The following WHRN variants were observed in gnomAD, a reference collection of about 807,000 sequenced individuals.
The protein encoded by WHRN is whirlin, also known as CASK-interacting protein CIP98.
A neutral mutation model predicts 68.3 loss-of-function variants in WHRN; 41 were observed. The ratio of observed to expected loss-of-function variants is 0.60; its 90% CI spans 0.47 to 0.78. The LOEUF is 0.78. WHRN is among the 30% of genes least tolerant of loss of function. The pLI, the probability that WHRN is intolerant of heterozygous loss-of-function variation, is 0.00. For synonymous variants in WHRN, 560 were observed against 561.3 expected (o/e 1.00, Z 0.03); for missense variants, 1,243 against 1,244.7 (o/e 1.00, Z 0.02).
intron 3 of WHRN, among the ~76,000 whole-genome samples, chr9:114,428,192 G>A (rs1411613796): frequency 6.6e-6 from 1 of 152,190 alleles, no homozygotes; most frequent in East Asian, 1.9e-4. Context: ...GCCCGGCGAG[G>A]TGGTGCGCCT....
chr9:114,477,560 C>G (rs984424516), intron 2 of WHRN, among the ~76,000 whole-genome samples: 4 of 152,112 alleles, frequency 2.6e-5, no homozygotes, highest in African/African-American at 7.2e-5. Flanking sequence ...GCAACCACCC[C>G]TCTCCCACTG....
intron 9 of WHRN, among the ~76,000 whole-genome samples, 172 bp downstream of exon 9, chr9:114,406,183 A>G (rs562766988): frequency 7.2e-5 from 11 of 152,354 alleles, no homozygotes; most frequent in Admixed American, 2.0e-4. Flanking sequence ...TCACACAGCC[A>G]GTCAGTGGCA....
At chr9:114,408,152 C>T (rs920431309) in intron 7 of WHRN, 134 bp from the exon 8 acceptor site, 3 of 736,518 alleles carry the variant, frequency 4.1e-6, no homozygotes, top group Admixed American at 2.0e-5. Flanking sequence ...ACATACCTCA[C>T]TTCATCGAAA....
At chr9:114,472,174 C>T (rs752594663) in intron 2 of WHRN, among the ~76,000 whole-genome samples, 1 of 152,234 alleles carries the variant, frequency 6.6e-6, no homozygotes, top group Non-Finnish European at 1.5e-5. Context: ...TCCACCCTTG[C>T]TCCTGCCATC....
intron 1 of WHRN, among the ~76,000 whole-genome samples, chr9:114,496,744 G>A (rs907171320): frequency 2.6e-5 from 4 of 152,214 alleles, no homozygotes; most frequent in Admixed American, 1.3e-4. Flanking sequence ...GTAACAGAAA[G>A]GCAAAGGGAC....
At chr9:114,444,810 G>C (rs1324240058) in intron 3 of WHRN, among the ~76,000 whole-genome samples, 1 of 151,246 alleles carries the variant, frequency 6.6e-6, no homozygotes, top group East Asian at 1.9e-4. Flanking sequence ...ATATATATAT[G>C]CACACCTCTA....
At chr9:114,430,115 G>T (rs1162680953) in intron 3 of WHRN, among the ~76,000 whole-genome samples, 1 of 152,176 alleles carries the variant, frequency 6.6e-6, no homozygotes, top group African/African-American at 2.4e-5. Flanking sequence ...TTTAGTTAAA[G>T]GAACGGGCAT....
intron 7 of WHRN, among the ~76,000 whole-genome samples, chr9:114,412,877 T>C (rs1371034194): frequency 1.3e-5 from 2 of 152,190 alleles, no homozygotes; most frequent in African/African-American, 4.8e-5. Context: ...CTCAGCAAAA[T>C]GCAGCTTCTC....
Position 114,504,379 on chromosome 9 carries a change from C to T in WHRN, c.423G>A (p.Val141=). ...DSAGPGEVRL[V]SLRRAKAHEG... is the part of the protein sequence containing the mutation. ...CGTGGGCCTTGGCACGCCGCAAACT[C>T]ACCAGGCGCACCTCCCCTGGCCCCG... Residue 141 remains valine (V), a synonymous_variant, in exon 1 of 12, where the codon GTG becomes GTA. Coordinates refer to ENST00000362057, the MANE Select transcript of WHRN (RefSeq NM_015404.4). The T allele has an allele frequency of 6.2e-7, 1 of 1,606,436 alleles. No homozygotes were observed. Among genetic ancestry groups the T allele is most frequent in the South Asian group, 1.1e-5 (1 of 91,072 alleles).
intron 3 of WHRN, among the ~76,000 whole-genome samples, chr9:114,451,013 G>A (rs1472855120): frequency 6.6e-6 from 1 of 152,162 alleles, no homozygotes; most frequent in African/African-American, 2.4e-5. Context: ...CTTAGCATTA[G>A]CTAACTATCC....
chr9:114,491,932 C>A (rs901777654), intron 1 of WHRN, among the ~76,000 whole-genome samples: 2 of 151,862 alleles, frequency 1.3e-5, no homozygotes, highest in Non-Finnish European at 2.9e-5. Flanking sequence ...TGGGTCACTC[C>A]CGGGGTGACA....
chr9:114,426,143 G>A lies in WHRN; in HGVS notation c.1166+68C>T, dbSNP rs1836831884. The A allele has an allele frequency of 9.4e-6, 15 of 1,601,912 alleles. No homozygotes were observed. The South Asian group carries it at 1.7e-4, about 18-fold the overall frequency. The stretch of plus-strand genomic sequence containing the variant: ...GAGCCAGGGCGGTGGAGGGATGGGA[G>A]GCAGCTATCACTGGCTTTCAGAAAT... On this transcript the variant is annotated intron_variant, in intron 4 of 11. Coordinates refer to ENST00000362057, the MANE Select transcript of WHRN (RefSeq NM_015404.4).
At chr9:114,468,359 G>A (rs1564191689) in intron 2 of WHRN, among the ~76,000 whole-genome samples, 1 of 152,134 alleles carries the variant, frequency 6.6e-6, no homozygotes, top group South Asian at 2.1e-4. Flanking sequence ...GGCCAAGTCA[G>A]ACCTGGGTTC....
chr9:114,471,423 G>A (rs1228101400), intron 2 of WHRN, among the ~76,000 whole-genome samples: 1 of 152,108 alleles, frequency 6.6e-6, no homozygotes, highest in African/African-American at 2.4e-5. Context: ...CAGCCACTTG[G>A]CTTGCCTGCA....
chr9:114,420,401 C>A (rs536222210), intron 7 of WHRN, among the ~76,000 whole-genome samples: 1 of 152,074 alleles, frequency 6.6e-6, no homozygotes, highest in Non-Finnish European at 1.5e-5. Flanking sequence ...TACTTTGGGG[C>A]GAGGCTGGGA....
intron 3 of WHRN, among the ~76,000 whole-genome samples, chr9:114,457,265 G>C (rs192277913): frequency 6.6e-6 from 1 of 152,234 alleles, no homozygotes; most frequent in East Asian, 1.9e-4. Context: ...GTCTAGGGCA[G>C]GGAAAACAAA....
At chr9:114,403,416 C>A in intron 10 of WHRN, 77 bp from the exon 11 acceptor site, 1 of 1,596,512 alleles carries the variant, frequency 6.3e-7, no homozygotes, top group Non-Finnish European at 8.6e-7. Flanking sequence ...CGGGCCGTGA[C>A]ACCACCCTGG....
intron 3 of WHRN, among the ~76,000 whole-genome samples, chr9:114,439,202 T>C (rs1038167090): frequency 6.6e-6 from 1 of 152,202 alleles, no homozygotes; most frequent in African/African-American, 2.4e-5. Context: ...TGTATAGTTT[T>C]GATGTTTTAG....
intron 2 of WHRN, among the ~76,000 whole-genome samples, chr9:114,469,782 A>G (rs1280851185): frequency 6.6e-6 from 1 of 152,240 alleles, no homozygotes; most frequent in African/African-American, 2.4e-5. Context: ...GTTATCTGAC[A>G]GTTTGGGAGG....
Sources: gnomAD v4.1 joint callset for allele counts (sites outside exome capture counted in the v4.1 genomes callset) on GRCh38, gnomAD v4.1.1 for gene constraint, MANE v1.5 for transcripts, NCBI Gene and HGNC (gene_info 2026-07-23, HGNC 2026-07-21) for gene names.